CSRP1: variants seen among roughly 807,000 people sequenced by gnomAD.
CSRP1 encodes the protein cysteine and glycine rich protein 1.
CSRP1 carries 16 observed loss-of-function variants against 25.4 expected under a neutral mutation model. The observed-to-expected ratio is 0.63, with a 90% CI of 0.43 to 0.96. The LOEUF (loss-of-function observed/expected upper bound fraction) is 0.96, where lower values mean the gene tolerates loss of function less well. CSRP1 is among the 40% of genes least tolerant of loss of function. The pLI is 0.00. For missense variants in CSRP1, 212 were observed against 243.6 expected (o/e 0.87, Z 0.86); for synonymous variants, 97 against 95.3 (o/e 1.02, Z -0.10).
rs371953833 is a variant in CSRP1, at chr1:201,484,796, A to G, written c.506-7T>C. 114 of 1,609,746 alleles carry G rather than the reference A, an allele frequency of 7.1e-5. No homozygotes were observed. Among genetic ancestry groups the G allele is most frequent in the African/African-American group, 4.9e-4 (37 of 74,940 alleles). ...AAGTTTTTAGCATAACATCCTGCAG[A>G]GAGAGGAGAGAGATAAGGGCATGTT... On this transcript the variant is annotated splice_polypyrimidine_tract_variant and splice_region_variant and intron_variant, in intron 5 of 5. Transcript: ENST00000340006.
At chr1:201,495,391 A>AC (rs1664479469) in intron 2 of CSRP1, among the ~76,000 whole-genome samples, 2 of 152,134 alleles carry the variant, frequency 1.3e-5, no homozygotes, top group South Asian at 2.1e-4. Context: ...AAGAAAGAAA[A>AC]TGCACCTTGC....
intron 1 of CSRP1, among the ~76,000 whole-genome samples, chr1:201,504,788 C>T (rs1288274429): frequency 7.4e-6 from 1 of 134,428 alleles, no homozygotes; most frequent in African/African-American, 3.1e-5. Flanking sequence ...TATAGTGAGA[C>T]GCTGTCTCCA....
At chr1:201,497,432 C>T (rs1664548623) in intron 1 of CSRP1, among the ~76,000 whole-genome samples, 1 of 146,852 alleles carries the variant, frequency 6.8e-6, no homozygotes, top group African/African-American at 2.5e-5. Context: ...GAGTGAGGGG[C>T]TTTTGCAAAA....
At chr1:201,486,823 C>G in intron 4 of CSRP1, 12 of 1,153,538 alleles carry the variant, frequency 1.0e-5, no homozygotes, top group Non-Finnish European at 1.3e-5. Flanking sequence ...TATCCTACTC[C>G]TTAGTACAGC....
intron 1 of CSRP1, 135 bp from the exon 2 acceptor site, chr1:201,496,439 C>T (rs1293817510): frequency 1.4e-6 from 1 of 719,006 alleles, no homozygotes; most frequent in Non-Finnish European, 2.4e-6. Context: ...GCCACCAGGC[C>T]TGGCAGAGCA....
chr1:201,492,815 G>T, intron 2 of CSRP1: 1 of 152,494 alleles, frequency 6.6e-6, no homozygotes, highest in Non-Finnish European at 1.5e-5. Flanking sequence ...GCCAGCCATT[G>T]CTCCCCTCCA....
intron 1 of CSRP1, among the ~76,000 whole-genome samples, chr1:201,501,638 T>G (rs976127995): frequency 6.6e-6 from 1 of 152,098 alleles, no homozygotes; most frequent in South Asian, 2.1e-4. Flanking sequence ...TGGCAGCTCT[T>G]ACAGCAGCAG....
intron 1 of CSRP1, among the ~76,000 whole-genome samples, chr1:201,498,694 G>A (rs1228091573): frequency 3.9e-5 from 6 of 152,232 alleles, no homozygotes; most frequent in African/African-American, 4.8e-5. Context: ...CACTTGGCAC[G>A]TGGCTGTTCA....
At chr1:201,503,206 T>G (rs485060) in intron 1 of CSRP1, among the ~76,000 whole-genome samples, 12,930 of 152,216 alleles carry the variant, frequency 0.085, 657 homozygotes, top group African/African-American at 0.14. Context: ...TTCTTTGTAG[T>G]ATTTCAAAAC....
At chr1:201,485,153 G>T (rs1664092776) in intron 5 of CSRP1, 130 bp downstream of exon 5, 2 of 822,610 alleles carry the variant, frequency 2.4e-6, no homozygotes, top group Non-Finnish European at 2.1e-6. Flanking sequence ...TACAATGAAG[G>T]AATCATACTA....
chr1:201,505,083 G>C (rs558631199), intron 1 of CSRP1, among the ~76,000 whole-genome samples: 2 of 152,276 alleles, frequency 1.3e-5, no homozygotes, highest in Admixed American at 6.5e-5. Flanking sequence ...CTGGGTGACA[G>C]AGCAAGACTG....
rs183654549 is a variant in CSRP1, at chr1:201,503,132, C to T, written c.-2+3938G>A. Among the ~76,000 whole-genome samples the T allele has an allele frequency of 1.5e-3, 228 of 152,068 alleles. 1 individual carries two copies. In the Middle Eastern group the frequency reaches 0.017, roughly 11 times the overall value. On this transcript the variant is annotated intron_variant, in intron 1 of 5. Transcript: ENST00000340006. Reference sequence around the variant, plus strand: ...TGCACTCCAGCCTGGGGGACAAAAGCGAAACTCTGTCTCAAAAAAAAGAAG... The same window carrying T: ...TGCACTCCAGCCTGGGGGACAAAAGTGAAACTCTGTCTCAAAAAAAAGAAG...
intron 1 of CSRP1, among the ~76,000 whole-genome samples, chr1:201,497,621 A>G (rs1420755338): frequency 6.6e-6 from 1 of 152,184 alleles, no homozygotes; most frequent in Non-Finnish European, 1.5e-5. Context: ...TCCTGATGCC[A>G]TGCAGGTTTG....
intron 3 of CSRP1, chr1:201,489,827 A>G: frequency 5.4e-6 from 1 of 186,266 alleles, no homozygotes; most frequent in South Asian, 1.3e-4. Flanking sequence ...CCAAGATTGT[A>G]CCACTGCACT....
chr1:201,489,256 T>C (rs1360161532), intron 3 of CSRP1: 1 of 292,790 alleles, frequency 3.4e-6, no homozygotes, highest in Non-Finnish European at 6.5e-6. Flanking sequence ...TGCTAAGAAT[T>C]GCCCTCCTCT....
Position 201,486,780 on chromosome 1 carries a change from C to G in CSRP1, c.412-1404G>C, listed in dbSNP as rs1033323565. 112 of 1,086,154 alleles carry G rather than the reference C, an allele frequency of 1.0e-4. No homozygotes were observed. The African/African-American group carries it at 1.8e-3, about 18-fold the overall frequency. 67.3% of individuals were successfully genotyped at this position (1,086,154 alleles called of 1,614,324 possible). Reference sequence around the variant, plus strand: ...GAGGCAATAGAAAGGTGGGGCTTCTCCCTACCTTTTCCACTTGAATGCAAA... The same window carrying G: ...GAGGCAATAGAAAGGTGGGGCTTCTGCCTACCTTTTCCACTTGAATGCAAA... On this transcript the variant is annotated intron_variant, in intron 4 of 5. Coordinates refer to ENST00000340006, the MANE Select transcript of CSRP1 (RefSeq NM_004078.3).
rs1402591089 is a variant in CSRP1, at chr1:201,484,401, C to T, written c.*312G>A. 1.2e-5 allele frequency: 6 copies of T among 499,340 alleles called. No homozygotes were observed. The highest frequency in any genetic ancestry group is 3.0e-5 in the East Asian group (1 of 33,144). 30.9% of individuals were successfully genotyped at this position (499,340 alleles called of 1,614,324 possible). A position where few individuals can be genotyped will look rare whatever the true frequency, so the allele number is the denominator to read the frequency against. On this transcript the variant is annotated 3_prime_UTR_variant, in exon 6 of 6. Coordinates refer to ENST00000340006, the MANE Select transcript of CSRP1 (RefSeq NM_004078.3). ...TGTCTTGGTCAGCTGATGATGGACA[C>T]GCAGCACAGGAGGCTAAGAACAGAG...
chr1:201,505,727 C>T (rs1468675208), intron 1 of CSRP1, among the ~76,000 whole-genome samples: 1 of 152,228 alleles, frequency 6.6e-6, no homozygotes, highest in African/African-American at 2.4e-5. Flanking sequence ...AAGCTGCCCT[C>T]CAGCAGCTGA....
chr1:201,498,582 C>T (rs771544623), intron 1 of CSRP1, among the ~76,000 whole-genome samples: 3 of 152,352 alleles, frequency 2.0e-5, no homozygotes, highest in East Asian at 1.9e-4. Flanking sequence ...GAGGGAGATA[C>T]AGTCTCCATT....
Sources: gnomAD v4.1 joint callset for allele counts (sites outside exome capture counted in the v4.1 genomes callset) on GRCh38, gnomAD v4.1.1 for gene constraint, MANE v1.5 for transcripts, NCBI Gene and HGNC (gene_info 2026-07-23, HGNC 2026-07-21) for gene names.